SPTBN4: variants seen among roughly 807,000 people sequenced by gnomAD.
SPTBN4 encodes spectrin beta chain, non-erythrocytic 4.
In SPTBN4, 96 loss-of-function variants were observed where a neutral mutation model predicts 277.8. The observed-to-expected ratio is 0.35, with a 90% CI of 0.29 to 0.41. The LOEUF (loss-of-function observed/expected upper bound fraction) is 0.41, where lower values mean the gene tolerates loss of function less well. SPTBN4 is among the 10% of genes least tolerant of loss of function. SPTBN4 has a pLI of 1.00. For synonymous variants in SPTBN4, 1,481 were observed against 1,580.3 expected, an observed-to-expected ratio of 0.94 and a Z score of 1.49; for missense variants, 3,006 against 3,595.7, an observed-to-expected ratio of 0.84 and a Z score of 4.19.
chr19:40,491,441 T>G (rs1176554572), intron 4 of SPTBN4, among the ~76,000 whole-genome samples: 2 of 151,874 alleles, frequency 1.3e-5, no homozygotes, highest in Non-Finnish European at 2.9e-5. Flanking sequence ...CATACAAGTT[T>G]AGAAAGATAG....
At position 40,512,817 on chromosome 19, in the gene SPTBN4, G is replaced by A. The variant is rs1181228661; in HGVS notation, c.2028G>A (p.Ala676=). The A allele has an allele frequency of 3.5e-6, 5 of 1,443,394 alleles. No homozygotes were observed. The highest frequency in any genetic ancestry group is 4.5e-6 in the Non-Finnish European group (5 of 1,111,760). 89.4% of individuals were successfully genotyped at this position (1,443,394 alleles called of 1,614,324 possible). Residue 676 remains alanine (A), a synonymous_variant, in exon 14 of 36, where the codon GCG becomes GCA. Transcript: ENST00000598249. ...LLEAAGGGGA[A]GAAGAAGTAG... ...AGGCTGCGGGCGGCGGCGGTGCGGCGGGCGCAGCGGGCGCAGCGGGAACAG... is the reference window on the plus strand; with the variant it reads ...AGGCTGCGGGCGGCGGCGGTGCGGCAGGCGCAGCGGGCGCAGCGGGAACAG...
intron 20 of SPTBN4, among the ~76,000 whole-genome samples, chr19:40,544,019 T>C (rs2080828787): frequency 6.6e-6 from 1 of 152,186 alleles, no homozygotes; most frequent in African/African-American, 2.4e-5. Flanking sequence ...CCCCAGTAAG[T>C]ACCATCTGTT....
intron 17 of SPTBN4, among the ~76,000 whole-genome samples, chr19:40,526,167 CTTTT>C (rs1168105162): frequency 1.1e-5 from 1 of 93,172 alleles, no homozygotes; most frequent in African/African-American, 4.4e-5. Flanking sequence ...AGGTGCTGTT[CTTTT>C]TTTTTTTTTT....
Position 40,504,152 on chromosome 19 carries a change from G to GGGGCCCCC in SPTBN4, c.1665+20_1665+21insGGGCCCCC. 1.1e-6 allele frequency: 1 copy of GGGGCCCCC among 877,206 alleles called. No individual in the cohort carries two copies. The highest frequency in any genetic ancestry group is 1.8e-6 in the Non-Finnish European group (1 of 566,484). The allele number at this position is 877,206 out of a possible 1,614,324, so 54.3% of individuals were successfully genotyped here. On this transcript the variant is annotated intron_variant, in intron 12 of 35. Coordinates refer to ENST00000598249, the MANE Select transcript of SPTBN4 (RefSeq NM_020971.3). ...ATGCAGGTGCCGGCGGGGGGGCGGG[G>GGGGCCCCC]ATGCGGGTGGAGTGCCAGGAGGGAG...
At chr19:40,570,780 A>C (rs933643584) in intron 33 of SPTBN4, 52 bp downstream of exon 33, 18 of 1,561,088 alleles carry the variant, frequency 1.2e-5, no homozygotes, top group Non-Finnish European at 1.6e-5. Context: ...CAGGGTGACC[A>C]TTGCGTGGAG....
At chr19:40,479,905 C>T (rs1007691052) in intron 2 of SPTBN4, among the ~76,000 whole-genome samples, 2 of 149,980 alleles carry the variant, frequency 1.3e-5, no homozygotes, top group African/African-American at 4.9e-5. Flanking sequence ...AGTTCAAGAC[C>T]AGTCTGGGCA....
intron 2 of SPTBN4, 104 bp downstream of exon 2, chr19:40,472,894 C>T (rs2079902967): frequency 4.3e-6 from 5 of 1,158,212 alleles, no homozygotes; most frequent in Middle Eastern, 3.0e-4. Flanking sequence ...CAGCACTGTC[C>T]AATAGAACTT....
At chr19:40,518,239 G>C (rs1252488198) in intron 15 of SPTBN4, among the ~76,000 whole-genome samples, 1 of 152,098 alleles carries the variant, frequency 6.6e-6, no homozygotes, top group Admixed American at 6.6e-5. Flanking sequence ...CTGGGAGGCG[G>C]AGGTTGCAGT....
intron 15 of SPTBN4, among the ~76,000 whole-genome samples, chr19:40,517,151 G>A (rs1001385615): frequency 6.6e-6 from 1 of 152,092 alleles, no homozygotes; most frequent in Non-Finnish European, 1.5e-5. Context: ...AACACTATGA[G>A]GTGGAAACTA....
chr19:40,519,470 C>T lies in SPTBN4; in HGVS notation c.2973C>T (p.Asn991=), dbSNP rs1421619374. The T allele has an allele frequency of 6.2e-7, 1 of 1,607,466 alleles. No homozygotes were observed. The highest frequency in any genetic ancestry group is 8.5e-7 in the Non-Finnish European group (1 of 1,178,002). Residue 991 remains asparagine (N), a synonymous_variant, in exon 16 of 36, where the codon AAC becomes AAT. Transcript: ENST00000598249. The surrounding 1 kb of genome is among the most constrained non-coding windows in gnomAD (Gnocchi z 5.7). Reference sequence around the variant, plus strand: ...TGAGCGCGGTGCTGCTGGTGGAGAACCACGTGCTGGAGGTGGCCGAGGTGC... The same window carrying T: ...TGAGCGCGGTGCTGCTGGTGGAGAATCACGTGCTGGAGGTGGCCGAGGTGC... ...EEMSAVLLVE[N]HVLEVAEVRA...
At position 40,554,108 on chromosome 19, in the gene SPTBN4, C is replaced by CCCCCTCTCCACCCACAT. The variant is rs2080947817; in HGVS notation, c.4675-33_4675-17dup. 3 of 1,407,522 alleles carry CCCCCTCTCCACCCACAT rather than the reference C, an allele frequency of 2.1e-6. No homozygotes were observed. The highest frequency in any genetic ancestry group is 2.7e-6 in the Non-Finnish European group (3 of 1,092,822). The allele number at this position is 1,407,522 out of a possible 1,614,324, so 87.2% of individuals were successfully genotyped here. On this transcript the variant is annotated intron_variant, in intron 22 of 35. Transcript: ENST00000598249. This position sits in a 1 kb window ranked among gnomAD's most constrained non-coding sequence, Gnocchi z 5.7. ...TGTGGTCTTGCAGGGCCTCGGAACG[C>CCCCCTCTCCACCCACAT]CCCCTCTCCACCCACATCCCCTTAC...
intron 13 of SPTBN4, among the ~76,000 whole-genome samples, chr19:40,508,075 C>T (rs940373126): frequency 1.3e-5 from 2 of 152,192 alleles, no homozygotes; most frequent in African/African-American, 4.8e-5. Context: ...ATTGCTCAGC[C>T]AATCATTGTG....
intron 11 of SPTBN4, 84 bp from the exon 12 acceptor site, chr19:40,503,746 G>A (rs1212812902): frequency 7.1e-7 from 1 of 1,415,030 alleles, no homozygotes; most frequent in Non-Finnish European, 9.5e-7. Context: ...GTAATGGAGT[G>A]GGGAGTCCCC....
At chr19:40,499,037 T>C (rs936437400) in intron 7 of SPTBN4, among the ~76,000 whole-genome samples, 1 of 151,832 alleles carries the variant, frequency 6.6e-6, no homozygotes, top group Non-Finnish European at 1.5e-5. Flanking sequence ...TTCATTTATT[T>C]ATTTATTTGA....
At position 40,472,755 on chromosome 19, in the gene SPTBN4, C is replaced by G. The variant is rs1488394403; in HGVS notation, c.134C>G (p.Ser45Trp). Residue 45 changes from serine (S) to tryptophan (W), a missense_variant, in exon 2 of 36, where the codon TCG becomes TGG. Transcript: ENST00000598249. The stretch of plus-strand genomic sequence containing the variant: ...CCGGCTGCGTCCACCGCAGCGGCCT[C>G]GCTCTTTGAGTGCTCCCGGATCAAG... ...EQPAASTAAA[S>W]LFECSRIKAL... 1 of 1,595,218 alleles carries G rather than the reference C, an allele frequency of 6.3e-7. No homozygotes were observed. Among genetic ancestry groups the G allele is most frequent in the Non-Finnish European group, 8.5e-7 (1 of 1,170,296 alleles).
In SPTBN4 at chr19:40,490,993, G is replaced by A. The variant is rs144703463; in HGVS notation, c.495+745G>A. On this transcript the variant is annotated intron_variant, in intron 4 of 35. Transcript: ENST00000598249. The surrounding 1 kb of genome is among the most constrained non-coding windows in gnomAD (Gnocchi z 4.3). ...GCAGTGTGAGGCTGCCGTGAGCTAT[G>A]ATCATGCCACTGCACTCCAGCCTAG... is the stretch of plus-strand genomic sequence containing the variant. Among the ~76,000 whole-genome samples, 1 of 152,096 alleles carries A rather than the reference G, an allele frequency of 6.6e-6. No homozygotes were observed. Among genetic ancestry groups the A allele is most frequent in the African/African-American group, 2.4e-5 (1 of 41,494 alleles).
At chr19:40,550,497 T>C (rs1174880292) in intron 22 of SPTBN4, among the ~76,000 whole-genome samples, 170 bp downstream of exon 22, 4 of 130,330 alleles carry the variant, frequency 3.1e-5, no homozygotes, top group African/African-American at 1.2e-4. Flanking sequence ...TCATGACTCT[T>C]GGCTCTATTT....
rs1156514411 is a variant in SPTBN4, at chr19:40,563,143, G to T, written c.5916-2280G>T. ...AGGAGGATCACTTGAGTCCAGGAGG[G>T]TCAGGCTGCAGTGAGCCATGATTAT... On this transcript the variant is annotated intron_variant, in intron 27 of 35. Coordinates refer to ENST00000598249, the MANE Select transcript of SPTBN4 (RefSeq NM_020971.3). Among the ~76,000 whole-genome samples, 4 of 151,688 alleles carry T rather than the reference G, an allele frequency of 2.6e-5. No homozygotes were observed. The East Asian group carries it at 7.7e-4, about 29-fold the overall frequency.
chr19:40,498,768 C>T (rs1195372664), intron 7 of SPTBN4, among the ~76,000 whole-genome samples: 1 of 151,794 alleles, frequency 6.6e-6, no homozygotes, highest in Non-Finnish European at 1.5e-5. Context: ...GTGCCATGAT[C>T]TCGGCTCACA....
Sources: allele counts gnomAD v4.1 joint callset (sites outside exome capture counted in the v4.1 genomes callset), GRCh38; gene constraint gnomAD v4.1.1; non-coding constraint Gnocchi (gnomAD v3.1); transcripts MANE v1.5; gene names NCBI Gene and HGNC (gene_info 2026-07-23, HGNC 2026-07-21).